LPP: variants seen among roughly 807,000 people sequenced by gnomAD.
LPP encodes LIM domain containing preferred translocation partner in lipoma.
A neutral mutation model predicts 60.4 loss-of-function variants in LPP; 38 were observed. The ratio of observed to expected loss-of-function variants is 0.63; its 90% CI spans 0.49 to 0.83. LPP has a LOEUF of 0.83. Ranked by LOEUF, LPP falls within the 40% of genes least tolerant of loss-of-function variation. The pLI, the probability that LPP is intolerant of heterozygous loss-of-function variation, is 0.00. For missense variants in LPP, 902 were observed against 783.6 expected (o/e 1.15, Z -1.80); for synonymous variants, 328 against 290.8 (o/e 1.13, Z -1.30).
intron 1 of LPP, among the ~76,000 whole-genome samples, chr3:188,154,608 T>G (rs972397132): frequency 3.9e-5 from 6 of 152,220 alleles, no homozygotes; most frequent in Non-Finnish European, 8.8e-5. Context: ...GACCCAGTCC[T>G]CCAAGTCCTC....
chr3:188,362,034 G>A (rs1769581688), intron 3 of LPP, among the ~76,000 whole-genome samples: 1 of 152,138 alleles, frequency 6.6e-6, no homozygotes, highest in Admixed American at 6.5e-5. Context: ...CTTGCACCAA[G>A]CGAAATGTAC....
In LPP at chr3:188,368,680, T is replaced by TCACA. The variant is rs1442170326; in HGVS notation, c.-10+26962_-10+26963insACAC. Among the ~76,000 whole-genome samples the TCACA allele has an allele frequency of 8.4e-3, 799 of 95,130 alleles. 6 individuals are homozygous for TCACA. The highest frequency in any genetic ancestry group is 0.021 in the African/African-American group (500 of 23,904). 62.4% of individuals were successfully genotyped at this position (95,130 alleles called of 152,430 possible). A position where few individuals can be genotyped will look rare whatever the true frequency, so the allele number is the denominator to read the frequency against. On this transcript the variant is annotated intron_variant, in intron 3 of 11. Transcript: ENST00000617246. ...TGTTATACTACAAACACACACACACTCTCACACACACACACACACACACAC... is the reference window on the plus strand; with the variant it reads ...TGTTATACTACAAACACACACACACTCACACTCACACACACACACACACACACAC...
chr3:188,313,422 T>G (rs1386080763), intron 2 of LPP, among the ~76,000 whole-genome samples: 1 of 152,042 alleles, frequency 6.6e-6, no homozygotes, highest in Non-Finnish European at 1.5e-5. Flanking sequence ...GGCAGATCAC[T>G]TGAGGTCAGA....
chr3:188,476,261 A>G (rs544508456), intron 4 of LPP, among the ~76,000 whole-genome samples: 9 of 144,472 alleles, frequency 6.2e-5, no homozygotes, highest in Non-Finnish European at 1.4e-4. Flanking sequence ...TGTATGATAT[A>G]TAGATGGCAC....
At chr3:188,384,887 C>T (rs1201943320) in intron 3 of LPP, among the ~76,000 whole-genome samples, 1 of 151,308 alleles carries the variant, frequency 6.6e-6, no homozygotes, top group Non-Finnish European at 1.5e-5. Context: ...TAGAGGCATG[C>T]CCTATGTAGT....
chr3:188,281,719 T>A (rs1445106045), intron 2 of LPP, among the ~76,000 whole-genome samples: 1 of 150,736 alleles, frequency 6.6e-6, no homozygotes, highest in Non-Finnish European at 1.5e-5. Context: ...TCCTCCCCCA[T>A]CTTTCTTTCT....
intron 7 of LPP, among the ~76,000 whole-genome samples, chr3:188,659,665 A>ACAAATCCTTGCTC (rs1371999986): frequency 6.6e-6 from 1 of 152,202 alleles, no homozygotes; most frequent in African/African-American, 2.4e-5. Context: ...ACGGATTGCT[A>ACAAATCCTTGCTC]CAAATCCTTG....
chr3:188,396,337 A>G (rs1780948301), intron 3 of LPP, among the ~76,000 whole-genome samples: 2 of 152,262 alleles, frequency 1.3e-5, no homozygotes, highest in African/African-American at 4.8e-5. Context: ...AAATACAAAC[A>G]GAATCATTAA....
At chr3:188,711,371 G>T (rs1475309840) in intron 8 of LPP, 8 of 152,226 alleles carry the variant, frequency 5.3e-5, no homozygotes, top group Admixed American at 2.6e-4. Context: ...TGAAATTAAG[G>T]CACAGAAATA....
chr3:188,191,315 G>T (rs1382689654), intron 1 of LPP, among the ~76,000 whole-genome samples: 1 of 152,218 alleles, frequency 6.6e-6, no homozygotes, highest in Non-Finnish European at 1.5e-5. Flanking sequence ...ACTTTTAAAG[G>T]ATACCTTCTT....
rs73056789 is a variant in LPP, at chr3:188,673,829, A to C, written c.1114-34438A>C. On this transcript the variant is annotated intron_variant, in intron 7 of 11. Coordinates refer to ENST00000617246, the MANE Select transcript of LPP (RefSeq NM_001375462.1). ...AAATTGGAATATGAGCAGTACCAAT[A>C]CTCAGTCTCTTAAGGAAGGGTAGAG... 8.7e-3 allele frequency among the ~76,000 whole-genome samples: 1,322 copies of C among 151,896 alleles called. 23 individuals carry two copies. Among genetic ancestry groups the C allele is most frequent in the African/African-American group, 0.031 (1,274 of 41,420 alleles).
intron 4 of LPP, among the ~76,000 whole-genome samples, chr3:188,426,461 A>G (rs749893073): frequency 3.1e-4 from 47 of 152,292 alleles, no homozygotes; most frequent in Middle Eastern, 3.4e-3. Context: ...GTAGATGTCT[A>G]TTAGGTCTGC....
chr3:188,602,089 T>C (rs201085532), intron 6 of LPP, among the ~76,000 whole-genome samples: 998 of 98,250 alleles, frequency 0.01, 20 homozygotes, highest in African/African-American at 0.032. Flanking sequence ...TATATATATA[T>C]ACACACACAT....
chr3:188,812,036 A>T (rs565622633), intron 9 of LPP, among the ~76,000 whole-genome samples: 1 of 152,196 alleles, frequency 6.6e-6, no homozygotes, highest in South Asian at 2.1e-4. Flanking sequence ...AAGTTTTTGT[A>T]AGGTAGTAAG....
At chr3:188,162,232 G>A (rs1424319238) in intron 1 of LPP, among the ~76,000 whole-genome samples, 2 of 152,182 alleles carry the variant, frequency 1.3e-5, no homozygotes, top group South Asian at 2.1e-4. Context: ...CAAGAGACAA[G>A]TTGGCTAGAT....
At chr3:188,828,602 G>A (rs1294173902) in intron 9 of LPP, among the ~76,000 whole-genome samples, 3 of 86,534 alleles carry the variant, frequency 3.5e-5, no homozygotes, top group East Asian at 5.3e-4. Context: ...CAACAAGAGC[G>A]AAACTCTGTC....
chr3:188,590,210 A>G (rs1408637398), intron 6 of LPP, among the ~76,000 whole-genome samples: 1 of 152,210 alleles, frequency 6.6e-6, no homozygotes, highest in Admixed American at 6.5e-5. Context: ...GTTTACATAG[A>G]GAATATCTAG....
chr3:188,665,492 T>C (rs1170103895), intron 7 of LPP, among the ~76,000 whole-genome samples: 3 of 147,272 alleles, frequency 2.0e-5, no homozygotes, highest in Non-Finnish European at 4.5e-5. Context: ...GGAGTTTTGC[T>C]CTTGTTGCCC....
At chr3:188,749,201 AG>A (rs1727263026) in intron 8 of LPP, among the ~76,000 whole-genome samples, 1 of 152,204 alleles carries the variant, frequency 6.6e-6, no homozygotes. Flanking sequence ...ATCAGGCAAC[AG>A]CGCCTACTAG....
Sources: gnomAD v4.1 joint callset for allele counts (sites outside exome capture counted in the v4.1 genomes callset) on GRCh38, gnomAD v4.1.1 for gene constraint, MANE v1.5 for transcripts, NCBI Gene and HGNC (gene_info 2026-07-23, HGNC 2026-07-21) for gene names.